The following TNFSF4 variants were observed in gnomAD, a reference collection of about 807,000 sequenced individuals.
TNFSF4 encodes TNF superfamily member 4.
A neutral mutation model predicts 7.3 loss-of-function variants in TNFSF4; 4 were observed. The ratio of observed to expected loss-of-function variants is 0.55; its 90% CI spans 0.27 to 1.25. The LOEUF is 1.25. Ranked by LOEUF, TNFSF4 falls within the 50% of genes most tolerant of loss-of-function variation. TNFSF4 has a pLI of 0.12. For synonymous variants in TNFSF4, 76 were observed against 83.7 expected, an observed-to-expected ratio of 0.91 and a Z score of 0.50; for missense variants, 181 against 208.8, an observed-to-expected ratio of 0.87 and a Z score of 0.82.
chr1:173,376,276 C>T, the TNFSF4 span, among the ~76,000 whole-genome samples: 4 of 152,302 alleles, frequency 2.6e-5, no homozygotes, highest in East Asian at 3.9e-4. Flanking sequence ...AGGAGGAGTT[C>T]GTGTCCTTTG....
chr1:173,381,630 A>T, the TNFSF4 span, among the ~76,000 whole-genome samples: 2 of 152,184 alleles, frequency 1.3e-5, no homozygotes, highest in African/African-American at 2.4e-5. Context: ...TGGCCTAAAG[A>T]GTTCCCCTCT....
the TNFSF4 span, among the ~76,000 whole-genome samples, chr1:173,410,520 G>A: frequency 6.6e-6 from 1 of 152,202 alleles, no homozygotes; most frequent in African/African-American, 2.4e-5. Context: ...TTGTAAATGG[G>A]TGTCAAGATT....
chr1:173,365,945 T>G, the TNFSF4 span, among the ~76,000 whole-genome samples: 2 of 152,224 alleles, frequency 1.3e-5, no homozygotes, highest in Non-Finnish European at 2.9e-5. Context: ...TTTGTAATAC[T>G]GCTTAAGATT....
the TNFSF4 span, among the ~76,000 whole-genome samples, chr1:173,388,684 C>T: frequency 4.6e-5 from 7 of 152,198 alleles, no homozygotes; most frequent in African/African-American, 1.7e-4. Flanking sequence ...CAATGCCACT[C>T]TTTTCACTAG....
chr1:173,265,110 C>G, the TNFSF4 span, among the ~76,000 whole-genome samples: 1 of 152,116 alleles, frequency 6.6e-6, no homozygotes, highest in African/African-American at 2.4e-5. Flanking sequence ...CAAATGGTCC[C>G]TTCTTTTAGA....
At chr1:173,396,467 A>T in the TNFSF4 span, among the ~76,000 whole-genome samples, 2 of 152,146 alleles carry the variant, frequency 1.3e-5, no homozygotes, top group African/African-American at 4.8e-5. Flanking sequence ...CTATGTTCAT[A>T]CCACTGCACT....
the TNFSF4 span, among the ~76,000 whole-genome samples, chr1:173,402,328 G>A: frequency 6.6e-6 from 1 of 152,174 alleles, no homozygotes; most frequent in Non-Finnish European, 1.5e-5. Context: ...TCTGTGCCTT[G>A]CAAGAGGATT....
chr1:173,408,596 GT>G, the TNFSF4 span, among the ~76,000 whole-genome samples: 19 of 149,170 alleles, frequency 1.3e-4, no homozygotes, highest in East Asian at 2.9e-3. Context: ...GAATGGAGTT[GT>G]TTTTTTTTTC....
chr1:173,270,930 T>C, the TNFSF4 span, among the ~76,000 whole-genome samples: 2 of 152,120 alleles, frequency 1.3e-5, no homozygotes, highest in African/African-American at 4.8e-5. Context: ...ATGAGAGTAC[T>C]TTTGAAAGTT....
At chr1:173,181,023 A>C (rs1329602364), downstream of TNFSF4, among the ~76,000 whole-genome samples, 1 of 152,180 alleles carries the variant, frequency 6.6e-6, no homozygotes, top group Non-Finnish European at 1.5e-5. Flanking sequence ...AGTAAGTGAG[A>C]TTTTCATAAA....
chr1:173,310,908 T>C, the TNFSF4 span, among the ~76,000 whole-genome samples: 10 of 152,030 alleles, frequency 6.6e-5, no homozygotes, highest in Non-Finnish European at 1.3e-4. Flanking sequence ...AGTTCACTTT[T>C]GCTAATATAG....
At chr1:173,282,697 T>C in the TNFSF4 span, among the ~76,000 whole-genome samples, 4 of 152,180 alleles carry the variant, frequency 2.6e-5, no homozygotes, top group African/African-American at 4.8e-5. Flanking sequence ...GACCTTGTGA[T>C]CCACCCACCT....
intron 1 of TNFSF4, among the ~76,000 whole-genome samples, chr1:173,198,119 T>C (rs1649784359): frequency 6.6e-6 from 1 of 152,218 alleles, no homozygotes; most frequent in Admixed American, 6.5e-5. Flanking sequence ...AAATCACTCA[T>C]TCCCTTATCT....
At chr1:173,402,858 T>C in the TNFSF4 span, among the ~76,000 whole-genome samples, 1 of 151,882 alleles carries the variant, frequency 6.6e-6, no homozygotes, top group African/African-American at 2.4e-5. Context: ...TTTGCATTTT[T>C]TTTTTTTCTT....
At chr1:173,446,148 A>G in the TNFSF4 span, among the ~76,000 whole-genome samples, 3 of 152,196 alleles carry the variant, frequency 2.0e-5, no homozygotes, top group Non-Finnish European at 4.4e-5. Context: ...CCAAGATGGT[A>G]GAATAATCAG....
chr1:173,433,727 G>A, the TNFSF4 span, among the ~76,000 whole-genome samples: 1 of 151,922 alleles, frequency 6.6e-6, no homozygotes, highest in Non-Finnish European at 1.5e-5. Context: ...GAAACTGACT[G>A]ACTCAACTTT....
the TNFSF4 span, among the ~76,000 whole-genome samples, chr1:173,326,238 G>A: frequency 6.6e-6 from 1 of 152,084 alleles, no homozygotes; most frequent in African/African-American, 2.4e-5. Flanking sequence ...ACATAATCCA[G>A]CATATAAACA....
the TNFSF4 span, among the ~76,000 whole-genome samples, chr1:173,263,667 A>G: frequency 6.6e-6 from 1 of 152,344 alleles, no homozygotes; most frequent in Non-Finnish European, 1.5e-5. Context: ...GTCATGGAGA[A>G]ACACTTCCTT....
the TNFSF4 span, among the ~76,000 whole-genome samples, chr1:173,419,201 G>T: frequency 6.6e-6 from 1 of 152,122 alleles, no homozygotes; most frequent in East Asian, 1.9e-4. Context: ...AATTAGCCGG[G>T]TGTGGTGGCG....
Sources: allele counts gnomAD v4.1 joint callset (sites outside exome capture counted in the v4.1 genomes callset), GRCh38; gene constraint gnomAD v4.1.1; transcripts MANE v1.5; gene names NCBI Gene and HGNC (gene_info 2026-07-23, HGNC 2026-07-21).